Variants in EFCAB6 observed in about 807,000 individuals in gnomAD.
The protein encoded by EFCAB6 is EF-hand calcium-binding domain-containing protein 6.
EFCAB6 carries 156 observed loss-of-function variants against 169.8 expected under a neutral mutation model. The ratio of observed to expected loss-of-function variants is 0.92; its 90% confidence interval spans 0.81 to 1.05. The LOEUF (loss-of-function observed/expected upper bound fraction) is 1.05. Ranked by LOEUF, EFCAB6 falls within the 50% of genes least tolerant of loss-of-function variation. The pLI is 0.00. For missense variants in EFCAB6, 1,800 were observed against 1,829.1 expected (o/e 0.98, Z 0.29); for synonymous variants, 698 against 676.4 (o/e 1.03, Z -0.50).
chr22:43,561,547 G>A (rs1240797127), intron 26 of EFCAB6, among the ~76,000 whole-genome samples: 2 of 152,014 alleles, frequency 1.3e-5, no homozygotes, highest in Non-Finnish European at 2.9e-5. Context: ...ACACCGCCCC[G>A]CCCCCACACA....
chr22:43,579,943 C>T (rs1248214729), intron 25 of EFCAB6, among the ~76,000 whole-genome samples: 3 of 152,214 alleles, frequency 2.0e-5, no homozygotes, highest in Non-Finnish European at 4.4e-5. Flanking sequence ...TCATTGCCTA[C>T]ATGCAAGCAT....
At chr22:43,627,084 A>T (rs1042672164) in intron 19 of EFCAB6, among the ~76,000 whole-genome samples, 1 of 152,206 alleles carries the variant, frequency 6.6e-6, no homozygotes, top group African/African-American at 2.4e-5. Context: ...GTCTACAGCC[A>T]AACAAATACT....
chr22:43,539,818 C>T (rs1033108822), intron 28 of EFCAB6, among the ~76,000 whole-genome samples: 9 of 152,344 alleles, frequency 5.9e-5, no homozygotes, highest in East Asian at 5.8e-4. Flanking sequence ...ACAGAGTTGC[C>T]GGCAGCACCA....
At chr22:43,686,229 C>T (rs1228171981) in intron 11 of EFCAB6, among the ~76,000 whole-genome samples, 2 of 152,200 alleles carry the variant, frequency 1.3e-5, no homozygotes, top group East Asian at 3.9e-4. Context: ...ATCCACCCAC[C>T]TCAGCCTCCC....
chr22:43,767,578 A>C (rs1168008942), intron 4 of EFCAB6, among the ~76,000 whole-genome samples: 1 of 152,126 alleles, frequency 6.6e-6, no homozygotes, highest in African/African-American at 2.4e-5. Flanking sequence ...AGTAGCCCTA[A>C]AACCACCCTC....
intron 7 of EFCAB6, among the ~76,000 whole-genome samples, chr22:43,735,403 A>G (rs2060097175): frequency 6.6e-6 from 1 of 152,044 alleles, no homozygotes; most frequent in Non-Finnish European, 1.5e-5. Flanking sequence ...TTAAGTCTCC[A>G]TTATTGTATC....
intron 10 of EFCAB6, among the ~76,000 whole-genome samples, chr22:43,703,056 C>A (rs992402463): frequency 6.6e-6 from 1 of 152,186 alleles, no homozygotes; most frequent in Non-Finnish European, 1.5e-5. Context: ...AGCTCCCATC[C>A]ATCCCTACCA....
rs202022741 is a variant in EFCAB6, at chr22:43,580,479, C to A, written c.3213G>T (p.Gln1071His). The A allele has an allele frequency of 1.3e-5, 21 of 1,614,034 alleles. No individual in the cohort carries two copies. The highest frequency in any genetic ancestry group is 1.7e-5 in the Non-Finnish European group (20 of 1,179,986). Residue 1071 changes from glutamine (Q) to histidine (H), a missense_variant, in exon 25 of 32, where the codon CAG becomes CAT. By Grantham distance (24) the Gln-to-His change is conservative. Transcript: ENST00000262726. The stretch of plus-strand genomic sequence containing the variant: ...CCTGTCATACCGTGGACAAAGCCAG[C>A]TGGGAGGACTCAACTACTTCCTGGA... ...RKIQEVVESS[Q>H]LALSTAFSAL... is the part of the protein sequence containing the mutation.
chr22:43,722,364 A>T (rs201997949), intron 8 of EFCAB6, among the ~76,000 whole-genome samples: 1 of 2,302 alleles, frequency 4.3e-4, no homozygotes, highest in Non-Finnish European at 9.2e-4. Flanking sequence ...ATCTCTACTT[A>T]AAAAAAAAAA....
intron 21 of EFCAB6, among the ~76,000 whole-genome samples, chr22:43,613,530 T>C (rs1024528127): frequency 1.2e-4 from 18 of 152,120 alleles, no homozygotes; most frequent in Non-Finnish European, 1.6e-4. Flanking sequence ...AAATTCTGCA[T>C]GTTCTCACTT....
chr22:43,547,377 C>T (rs1179656429), intron 27 of EFCAB6, among the ~76,000 whole-genome samples: 1 of 152,148 alleles, frequency 6.6e-6, no homozygotes, highest in Non-Finnish European at 1.5e-5. Flanking sequence ...CAATTATCAC[C>T]TATTGGTTAA....
At chr22:43,634,923 T>A (rs570758185) in intron 18 of EFCAB6, among the ~76,000 whole-genome samples, 179 bp downstream of exon 18, 24 of 152,322 alleles carry the variant, frequency 1.6e-4, no homozygotes, top group Admixed American at 1.3e-3. Flanking sequence ...GCACTCACAG[T>A]TCTGAATATG....
At chr22:43,618,673 C>A (rs1420973186) in intron 20 of EFCAB6, among the ~76,000 whole-genome samples, 1 of 152,202 alleles carries the variant, frequency 6.6e-6, no homozygotes, top group Non-Finnish European at 1.5e-5. Flanking sequence ...AAAAGAAAGG[C>A]TGACTTTCTG....
At chr22:43,686,005 A>C (rs183529502) in intron 11 of EFCAB6, among the ~76,000 whole-genome samples, 4 of 151,528 alleles carry the variant, frequency 2.6e-5, no homozygotes, top group East Asian at 3.9e-4. Flanking sequence ...TTTGAGATGA[A>C]GTTTTCCTCT....
At chr22:43,635,075 C>T (rs2055283441) in intron 18 of EFCAB6, 27 bp downstream of exon 18, 1 of 1,595,644 alleles carries the variant, frequency 6.3e-7, no homozygotes, top group South Asian at 1.1e-5. Flanking sequence ...ACGCATCCCA[C>T]AGGGTGTGGA....
chr22:43,533,989 A>G (rs1403543434), intron 30 of EFCAB6, among the ~76,000 whole-genome samples: 1 of 152,232 alleles, frequency 6.6e-6, no homozygotes, highest in African/African-American at 2.4e-5. Context: ...GCGGTGGCTC[A>G]TGCCTGTAAT....
intron 22 of EFCAB6, among the ~76,000 whole-genome samples, chr22:43,606,614 C>T (rs1569236950): frequency 2.0e-5 from 3 of 152,216 alleles, no homozygotes; most frequent in Non-Finnish European, 4.4e-5. Flanking sequence ...GGCCACACAG[C>T]AGGAAGCAGG....
chr22:43,582,397 T>C (rs926136532), intron 24 of EFCAB6, among the ~76,000 whole-genome samples: 1 of 151,618 alleles, frequency 6.6e-6, no homozygotes, highest in South Asian at 2.1e-4. Context: ...TTCTCATAGC[T>C]CAAACACAAT....
rs561631525 is a variant in EFCAB6 at position 43,736,143 on chromosome 22, C to T, written c.508-150G>A. On this transcript the variant is annotated intron_variant, in intron 6 of 31. Transcript: ENST00000262726. ...GGTAGGCATGGCAAAAATGACATGT[C>T]TACGGAAAAAGAACACTTTGCATTT... 67 of 743,482 alleles carry T rather than the reference C, an allele frequency of 9.0e-5. No individual in the cohort carries two copies. The East Asian group carries it at 1.9e-3, about 21-fold the overall frequency. The allele number at this position is 743,482 out of a possible 1,614,324, so 46.1% of individuals were successfully genotyped here. A position where few individuals can be genotyped will look rare whatever the true frequency, so the allele number is the denominator to read the frequency against.
Sources: allele counts gnomAD v4.1 joint callset (sites outside exome capture counted in the v4.1 genomes callset), GRCh38; gene constraint gnomAD v4.1.1; transcripts MANE v1.5; gene names NCBI Gene and HGNC (gene_info 2026-07-23, HGNC 2026-07-21).